The following NSL1 variants were observed in gnomAD, a reference collection of about 807,000 sequenced individuals.
The protein encoded by NSL1 is NSL1 component of MIS12 kinetochore complex, also known as kinetochore-associated protein NSL1 homolog.
NSL1 carries 11 observed loss-of-function variants against 25.4 expected under a neutral mutation model. The ratio of observed to expected loss-of-function variants is 0.43; its 90% CI spans 0.27 to 0.72. NSL1 has a LOEUF of 0.72. Ranked by LOEUF, NSL1 falls within the 30% of genes least tolerant of loss-of-function variation. The pLI, the probability that NSL1 is intolerant of heterozygous loss-of-function variation, is 0.19. For missense variants in NSL1, 330 were observed against 342.7 expected (o/e 0.96, Z 0.29); for synonymous variants, 118 against 120.6 (o/e 0.98, Z 0.14).
Position 212,733,212 on chromosome 1 carries a change from C to A in NSL1, c.*5196G>T, listed in dbSNP as rs981984978. On this transcript the variant is annotated 3_prime_UTR_variant, in exon 6 of 6. Coordinates refer to ENST00000366977, the MANE Select transcript of NSL1 (RefSeq NM_015471.4). ...CAGCACTTTGGGAGGCAGAGGTGGG[C>A]GGATCGCTTGAGCTCACGAGTTTGA... is the stretch of plus-strand genomic sequence containing the variant. Among the ~76,000 whole-genome samples, 1 of 151,998 alleles carries A rather than the reference C, an allele frequency of 6.6e-6. No homozygotes were observed. The highest frequency in any genetic ancestry group is 1.5e-5 in the Non-Finnish European group (1 of 67,992).
rs1208906222 is a variant in NSL1, at chr1:212,791,622, C to T, written c.142G>A (p.Glu48Lys). 6.2e-7 allele frequency: 1 copy of T among 1,613,946 alleles called. No individual in the cohort carries two copies. Among genetic ancestry groups the T allele is most frequent in the East Asian group, 2.2e-5 (1 of 44,878 alleles). The stretch of plus-strand genomic sequence containing the variant: ...AAGCGGCCGCACAGTTGTAGCATTT[C>T]GGTCACAGCCCGCTTCGAGGTGCAG... ...VRCTSKRAVT[E>K]MLQLCGRFVQ... is the part of the protein sequence containing the mutation. The change falls in exon 1 of 6, where the codon GAA (glutamate) becomes AAA (lysine). Residue 48 changes from glutamate to lysine, a missense_variant. Coordinates refer to ENST00000366977, the MANE Select transcript of NSL1 (RefSeq NM_015471.4).
At chr1:212,763,818 C>T (rs1659677472) in intron 4 of NSL1, among the ~76,000 whole-genome samples, 1 of 152,162 alleles carries the variant, frequency 6.6e-6, no homozygotes, top group African/African-American at 2.4e-5. Context: ...AGACTGGCAA[C>T]AACACAATAA....
chr1:212,741,776 T>C (rs978370324), intron 4 of NSL1, among the ~76,000 whole-genome samples: 3 of 152,304 alleles, frequency 2.0e-5, no homozygotes, highest in South Asian at 4.1e-4. Flanking sequence ...TAGGTACTTA[T>C]AATAAGTAAA....
chr1:212,773,953 A>T (rs572107683), intron 4 of NSL1, among the ~76,000 whole-genome samples: 1 of 152,280 alleles, frequency 6.6e-6, no homozygotes, highest in African/African-American at 2.4e-5. Context: ...AGAAAAAAAA[A>T]AAATCTCATG....
At chr1:212,746,147 G>A (rs1174835861) in intron 4 of NSL1, among the ~76,000 whole-genome samples, 1 of 152,130 alleles carries the variant, frequency 6.6e-6, no homozygotes, top group African/African-American at 2.4e-5. Context: ...AAATATAAAA[G>A]TTAGTTTGTG....
chr1:212,786,433 A>G (rs1003438252), intron 2 of NSL1, among the ~76,000 whole-genome samples: 4 of 152,150 alleles, frequency 2.6e-5, no homozygotes, highest in Admixed American at 6.5e-5. Flanking sequence ...AAAAAAAAGA[A>G]AAGTCTCCCA....
rs181244552 is a variant in NSL1, at chr1:212,774,456, C to T, written c.499+7916G>A. Among the ~76,000 whole-genome samples, 13 of 152,186 alleles carry T rather than the reference C, an allele frequency of 8.5e-5. No homozygotes were observed. In the East Asian group the frequency reaches 2.5e-3, roughly 29 times the overall value. ...AATCATATATCTGATAAGGGACTAG[C>T]GTCCAGAATACATAAAGAACCAGTA... On this transcript the variant is annotated intron_variant, in intron 4 of 5. Transcript: ENST00000366977.
intron 5 of NSL1, among the ~76,000 whole-genome samples, chr1:212,739,118 C>T (rs907799684): frequency 6.6e-6 from 1 of 152,122 alleles, no homozygotes; most frequent in Non-Finnish European, 1.5e-5. Context: ...ACCTGCTTAG[C>T]CTCTCTGTGC....
In NSL1 at chr1:212,733,601, T is replaced by C. The variant is rs1210735125; in HGVS notation, c.*4807A>G. Among the ~76,000 whole-genome samples the C allele has an allele frequency of 6.6e-6, 1 of 152,220 alleles. No individual in the cohort carries two copies. The highest frequency in any genetic ancestry group is 1.5e-5 in the Non-Finnish European group (1 of 68,034). On this transcript the variant is annotated 3_prime_UTR_variant, in exon 6 of 6. Coordinates refer to ENST00000366977, the MANE Select transcript of NSL1 (RefSeq NM_015471.4). The stretch of plus-strand genomic sequence containing the variant: ...GAGTCTACAAAATTCAGCAGTCTTT[T>C]GTGAGAGGCTTCTTTCACTTGGCAT...
In NSL1 at chr1:212,733,206, G is replaced by C. The variant is rs947887934; in HGVS notation, c.*5202C>G. Among the ~76,000 whole-genome samples, 1 of 152,150 alleles carries C rather than the reference G, an allele frequency of 6.6e-6. No homozygotes were observed. Among genetic ancestry groups the C allele is most frequent in the Non-Finnish European group, 1.5e-5 (1 of 68,028 alleles). On this transcript the variant is annotated 3_prime_UTR_variant, in exon 6 of 6. Transcript: ENST00000366977. The stretch of plus-strand genomic sequence containing the variant: ...GTAATCCAGCACTTTGGGAGGCAGA[G>C]GTGGGCGGATCGCTTGAGCTCACGA...
chr1:212,744,070 GC>G (rs1658633319), intron 4 of NSL1, among the ~76,000 whole-genome samples: 1 of 152,198 alleles, frequency 6.6e-6, no homozygotes. Flanking sequence ...AGCAGCAGAT[GC>G]AGCGTGCAGC....
Position 212,730,728 on chromosome 1 carries a change from T to C in NSL1, c.*7680A>G. On this transcript the variant is annotated 3_prime_UTR_variant, in exon 6 of 6. Transcript: ENST00000366977. The stretch of plus-strand genomic sequence containing the variant: ...TTATGTCCTGCAGGGATATGGGAAT[T>C]AGACTTAGTTCTAGTAGACGTAGTT... The C allele has an allele frequency of 2.0e-6, 2 of 985,402 alleles. No individual in the cohort carries two copies. The highest frequency in any genetic ancestry group is 9.4e-5 in the South Asian group (2 of 21,284). The allele number at this position is 985,402 out of a possible 1,614,324, so 61.0% of individuals were successfully genotyped here. A position where few individuals can be genotyped will look rare whatever the true frequency, so the allele number is the denominator to read the frequency against.
intron 4 of NSL1, among the ~76,000 whole-genome samples, chr1:212,752,544 T>C (rs1442470471): frequency 1.6e-5 from 2 of 121,864 alleles, no homozygotes; most frequent in African/African-American, 3.0e-5. Flanking sequence ...GGATCTTCAG[T>C]TAATTTCAAA....
In NSL1 at chr1:212,761,984, A is replaced by G. The variant is rs1228514999; in HGVS notation, c.499+20388T>C. On this transcript the variant is annotated intron_variant, in intron 4 of 5. Coordinates refer to ENST00000366977, the MANE Select transcript of NSL1 (RefSeq NM_015471.4). Reference sequence around the variant, plus strand: ...CAGCTGATGAGCTAAAAAAAAAAAAAAAAAAAAAAATCATGTTTTAAGAAA... The same window carrying G: ...CAGCTGATGAGCTAAAAAAAAAAAAGAAAAAAAAAATCATGTTTTAAGAAA... Among the ~76,000 whole-genome samples the G allele has an allele frequency of 2.6e-5, 4 of 151,844 alleles. No individual in the cohort carries two copies. The East Asian group carries it at 5.8e-4, about 22-fold the overall frequency.
chr1:212,762,324 AAAG>A (rs1659615247), intron 4 of NSL1, among the ~76,000 whole-genome samples: 1 of 151,518 alleles, frequency 6.6e-6, no homozygotes, highest in Non-Finnish European at 1.5e-5. Flanking sequence ...AAAAAAAAAA[AAAG>A]AAAAGAAGTT....
In NSL1 at chr1:212,729,877, G is replaced by A; in HGVS notation, c.*8531C>T. 1 of 985,256 alleles carries A rather than the reference G, an allele frequency of 1.0e-6. No homozygotes were observed. Among genetic ancestry groups the A allele is most frequent in the African/African-American group, 1.7e-5 (1 of 57,300 alleles). 61.0% of individuals were successfully genotyped at this position (985,256 alleles called of 1,614,324 possible). ...ACGAAGGGGTTGCTGGGGTGACCCA[G>A]GCAGCAAGGACCCTGAGGGGGCAGG... is the stretch of plus-strand genomic sequence containing the variant. On this transcript the variant is annotated 3_prime_UTR_variant, in exon 6 of 6. Coordinates refer to ENST00000366977, the MANE Select transcript of NSL1 (RefSeq NM_015471.4).
chr1:212,778,660 C>T (rs1232655422), intron 4 of NSL1, among the ~76,000 whole-genome samples: 4 of 151,722 alleles, frequency 2.6e-5, no homozygotes, highest in Non-Finnish European at 5.9e-5. Context: ...CTCGGCCTCC[C>T]GAGGTGCCGG....
intron 1 of NSL1, among the ~76,000 whole-genome samples, chr1:212,787,989 A>T (rs191960865): frequency 1.9e-4 from 29 of 152,354 alleles, no homozygotes; most frequent in Non-Finnish European, 3.5e-4. Context: ...CTGCTGAATG[A>T]CTGTTGATGT....
Position 212,731,970 on chromosome 1 carries a change from G to T in NSL1, c.*6438C>A, listed in dbSNP as rs1274711144. On this transcript the variant is annotated 3_prime_UTR_variant, in exon 6 of 6. Coordinates refer to ENST00000366977, the MANE Select transcript of NSL1 (RefSeq NM_015471.4). The stretch of plus-strand genomic sequence containing the variant: ...ACCAATGTCCATCTAACTGTTCAGT[G>T]CCTGTGCTGTACTAATTGCTAATTC... The T allele has an allele frequency of 2.0e-6, 2 of 984,340 alleles. No individual in the cohort carries two copies. Among genetic ancestry groups the T allele is most frequent in the Non-Finnish European group, 2.4e-6 (2 of 829,822 alleles). 61.0% of individuals were successfully genotyped at this position (984,340 alleles called of 1,614,324 possible).
Sources: gnomAD v4.1 joint callset for allele counts (sites outside exome capture counted in the v4.1 genomes callset) on GRCh38, gnomAD v4.1.1 for gene constraint, MANE v1.5 for transcripts, NCBI Gene and HGNC (gene_info 2026-07-23, HGNC 2026-07-21) for gene names.